MYO16: variants seen among roughly 807,000 people sequenced by gnomAD.
MYO16 encodes the protein unconventional myosin-XVI.
In MYO16, 94 loss-of-function variants were observed where a neutral mutation model predicts 205.3. The observed-to-expected ratio is 0.46, with a 90% CI of 0.39 to 0.54. MYO16 has a LOEUF of 0.54. Among genes scored for constraint, MYO16 ranks in the 20% least tolerant of loss-of-function variants. MYO16 has a pLI of 0.00. For synonymous variants in MYO16, 988 were observed against 954.0 expected (o/e 1.04, Z -0.66); for missense variants, 2,315 against 2,387.5 (o/e 0.97, Z 0.63).
chr13:109,037,968 G>T (rs1294270758), intron 23 of MYO16, among the ~76,000 whole-genome samples: 2 of 152,184 alleles, frequency 1.3e-5, no homozygotes, highest in East Asian at 3.9e-4. Context: ...AGCAGTGATG[G>T]CAAGGGAGGA....
intron 1 of MYO16, among the ~76,000 whole-genome samples, chr13:108,655,973 G>A (rs925063201): frequency 6.6e-6 from 1 of 152,136 alleles, no homozygotes; most frequent in Non-Finnish European, 1.5e-5. Flanking sequence ...TAAGGGACTT[G>A]CCTTGTTTCA....
At chr13:108,660,765 A>G (rs889548113) in intron 1 of MYO16, among the ~76,000 whole-genome samples, 3 of 152,156 alleles carry the variant, frequency 2.0e-5, no homozygotes, top group Non-Finnish European at 4.4e-5. Context: ...CAATTAGGCC[A>G]TTTACATTCA....
intron 16 of MYO16, among the ~76,000 whole-genome samples, chr13:108,938,782 A>G (rs1646672366): frequency 6.6e-6 from 1 of 152,232 alleles, no homozygotes; most frequent in Non-Finnish European, 1.5e-5. Context: ...GACAGCTCAG[A>G]CTGCTGAACC....
At chr13:108,906,587 T>C (rs969449400) in intron 15 of MYO16, among the ~76,000 whole-genome samples, 2 of 152,246 alleles carry the variant, frequency 1.3e-5, no homozygotes, top group South Asian at 4.1e-4. Context: ...GTTGATCTTA[T>C]GTGAAGAGCA....
At chr13:108,691,155 T>C (rs1412495804) in intron 2 of MYO16, among the ~76,000 whole-genome samples, 1 of 152,200 alleles carries the variant, frequency 6.6e-6, no homozygotes. Flanking sequence ...TTGCAAGGCA[T>C]TGCCCAAAGG....
At chr13:108,785,404 G>A (rs755262606) in intron 4 of MYO16, among the ~76,000 whole-genome samples, 3 of 152,166 alleles carry the variant, frequency 2.0e-5, no homozygotes, top group Non-Finnish European at 2.9e-5. Context: ...GGCAGCTGGG[G>A]CCAAAGTTTT....
chr13:109,080,746 T>G (rs890823810), intron 27 of MYO16, among the ~76,000 whole-genome samples: 6 of 152,180 alleles, frequency 3.9e-5, no homozygotes, highest in African/African-American at 1.4e-4. Context: ...TATTTAAGAA[T>G]TTATAAATAA....
At chr13:108,535,357 G>C in the MYO16 span, among the ~76,000 whole-genome samples, 1 of 151,982 alleles carries the variant, frequency 6.6e-6, no homozygotes, top group Non-Finnish European at 1.5e-5. Context: ...CCTATCTGTT[G>C]ACTGACATGC....
chr13:108,568,211 G>A, the MYO16 span, among the ~76,000 whole-genome samples: 5 of 151,958 alleles, frequency 3.3e-5, no homozygotes, highest in East Asian at 3.8e-4. Context: ...CATTTATTTT[G>A]CATCTATGAG....
At chr13:108,816,441 GA>G (rs1875610207) in intron 7 of MYO16, among the ~76,000 whole-genome samples, 1 of 150,388 alleles carries the variant, frequency 6.6e-6, no homozygotes, top group Admixed American at 6.6e-5. Flanking sequence ...TAAGAGTTAA[GA>G]AAAAATATTA....
intron 21 of MYO16, 29 bp downstream of exon 21, chr13:108,992,477 G>A (rs769220626): frequency 7.3e-7 from 1 of 1,372,134 alleles, no homozygotes; most frequent in Admixed American, 1.8e-5. Flanking sequence ...AAAATTGTGT[G>A]AACTTGAATG....
At chr13:109,045,854 C>G (rs1471790967) in intron 23 of MYO16, among the ~76,000 whole-genome samples, 1 of 152,210 alleles carries the variant, frequency 6.6e-6, no homozygotes, top group African/African-American at 2.4e-5. Context: ...CCTCTCTGGG[C>G]TCTCTAGACA....
At chr13:109,153,309 C>T (rs1877783601) in intron 32 of MYO16, among the ~76,000 whole-genome samples, 1 of 152,128 alleles carries the variant, frequency 6.6e-6, no homozygotes. Flanking sequence ...CTAGAAGCCA[C>T]TGTGTGCCTT....
intron 20 of MYO16, among the ~76,000 whole-genome samples, chr13:108,969,639 C>CT (rs1235791346): frequency 6.6e-6 from 1 of 152,154 alleles, no homozygotes; most frequent in Non-Finnish European, 1.5e-5. Context: ...TCTGCTCATT[C>CT]TTTTTAGGAA....
At chr13:109,072,370 T>C (rs12859091) in intron 27 of MYO16, among the ~76,000 whole-genome samples, 2 of 152,132 alleles carry the variant, frequency 1.3e-5, no homozygotes, top group African/African-American at 4.8e-5. Flanking sequence ...CTTATCTAGA[T>C]GCAAGCTGAG....
intron 4 of MYO16, among the ~76,000 whole-genome samples, chr13:108,784,941 G>T (rs1886412705): frequency 6.6e-6 from 1 of 152,182 alleles, no homozygotes; most frequent in Admixed American, 6.5e-5. Context: ...ATCTACCATT[G>T]TATTGAAGCT....
chr13:108,568,363 T>A, the MYO16 span, among the ~76,000 whole-genome samples: 4 of 152,140 alleles, frequency 2.6e-5, no homozygotes, highest in Non-Finnish European at 4.4e-5. Context: ...ACACTTATAA[T>A]TGTCTGAGTT....
intron 2 of MYO16, among the ~76,000 whole-genome samples, chr13:108,702,605 A>G (rs966571235): frequency 9.2e-5 from 14 of 152,238 alleles, no homozygotes; most frequent in Admixed American, 9.2e-4. Context: ...AAAGATAAAC[A>G]GCACTTGGAA....
intron 9 of MYO16, among the ~76,000 whole-genome samples, chr13:108,826,189 A>G (rs1034240607): frequency 3.3e-5 from 5 of 152,150 alleles, no homozygotes; most frequent in Non-Finnish European, 5.9e-5. Flanking sequence ...TAAAATCTAT[A>G]GTAACTAAGA....
Sources: gnomAD v4.1 joint callset for allele counts (sites outside exome capture counted in the v4.1 genomes callset) on GRCh38, gnomAD v4.1.1 for gene constraint, MANE v1.5 for transcripts, NCBI Gene and HGNC (gene_info 2026-07-23, HGNC 2026-07-21) for gene names.